NGEF: variants seen among roughly 807,000 people sequenced by gnomAD.
The protein encoded by NGEF is neuronal guanine nucleotide exchange factor.
A neutral mutation model predicts 80.9 loss-of-function variants in NGEF; 31 were observed. The observed-to-expected ratio is 0.38, with a 90% CI of 0.29 to 0.52. NGEF has a LOEUF of 0.52. Among genes scored for constraint, NGEF ranks in the 20% least tolerant of loss-of-function variants. The probability of loss-of-function intolerance (pLI) is 0.84; values close to 1 mark genes in which losing one functional copy is unlikely to be tolerated. For synonymous variants in NGEF, 371 were observed against 370.2 expected, an observed-to-expected ratio of 1.00 and a Z score of -0.03; for missense variants, 709 against 926.2, an observed-to-expected ratio of 0.77 and a Z score of 3.04.
At chr2:232,994,639 A>G (rs1694740964) in intron 1 of NGEF, among the ~76,000 whole-genome samples, 1 of 152,094 alleles carries the variant, frequency 6.6e-6, no homozygotes, top group African/African-American at 2.4e-5. Flanking sequence ...ATGGCTTGTC[A>G]TCCCCGTTCG....
chr2:232,898,787 G>A (rs1183488085), intron 5 of NGEF, among the ~76,000 whole-genome samples: 2 of 152,178 alleles, frequency 1.3e-5, no homozygotes, highest in African/African-American at 4.8e-5. Flanking sequence ...TGGCACTTTC[G>A]TCCCAGGGTA....
At chr2:232,893,129 G>A in intron 6 of NGEF, 79 bp from the exon 7 acceptor site, 12 of 1,456,426 alleles carry the variant, frequency 8.2e-6, no homozygotes, top group South Asian at 2.5e-5. Flanking sequence ...CAGCATGCGA[G>A]CCTGACTTGG....
chr2:232,966,631 C>G (rs539476783), intron 3 of NGEF, among the ~76,000 whole-genome samples: 1 of 151,958 alleles, frequency 6.6e-6, no homozygotes, highest in African/African-American at 2.4e-5. Context: ...CCAAACAAAA[C>G]CCAGTAGCCA....
In NGEF at chr2:233,013,110, T is replaced by C. The variant is rs1369355365; in HGVS notation, c.-117A>G. On this transcript the variant is annotated 5_prime_UTR_variant, in exon 1 of 15. Transcript: ENST00000264051. ...ATAGGAGTTGGGCTTCCTCAGAGAG[T>C]GTTCCTCCCTCGTCCCCTGTCCTGT... 1 of 470,886 alleles carries C rather than the reference T, an allele frequency of 2.1e-6. No individual in the cohort carries two copies. The highest frequency in any genetic ancestry group is 2.0e-5 in the African/African-American group (1 of 49,972). The allele number at this position is 470,886 out of a possible 1,614,324, so 29.2% of individuals were successfully genotyped here.
chr2:232,967,770 G>A (rs1056002193), intron 3 of NGEF, among the ~76,000 whole-genome samples: 10 of 151,728 alleles, frequency 6.6e-5, no homozygotes, highest in Non-Finnish European at 1.2e-4. Flanking sequence ...CCTCAGGAAG[G>A]AAGTGTTGCC....
In NGEF at chr2:232,978,482, T is replaced by A. The variant is rs566290024; in HGVS notation, c.-74-3518A>T. Among the ~76,000 whole-genome samples, 3 of 152,236 alleles carry A rather than the reference T, an allele frequency of 2.0e-5. No homozygotes were observed. In the East Asian group the frequency reaches 5.8e-4, roughly 29 times the overall value. The stretch of plus-strand genomic sequence containing the variant: ...GTGAGCCGAGATTGCGCCACTGCAT[T>A]CCAGCCTGGGCGACAGAGCGAGACT... On this transcript the variant is annotated intron_variant, in intron 1 of 14. Coordinates refer to ENST00000264051, the MANE Select transcript of NGEF (RefSeq NM_019850.3).
chr2:232,936,300 G>A (rs1011505133), intron 3 of NGEF, among the ~76,000 whole-genome samples: 6 of 152,200 alleles, frequency 3.9e-5, no homozygotes, highest in Admixed American at 1.3e-4. Context: ...ATTGTATCAC[G>A]TTATGGAAAT....
intron 5 of NGEF, among the ~76,000 whole-genome samples, chr2:232,904,902 C>T (rs1370174184): frequency 6.6e-6 from 1 of 152,222 alleles, no homozygotes. Context: ...GTGATCGCAC[C>T]ACTGCACTCC....
chr2:232,989,302 G>T (rs1408286173), intron 1 of NGEF, among the ~76,000 whole-genome samples: 1 of 152,092 alleles, frequency 6.6e-6, no homozygotes, highest in African/African-American at 2.4e-5. Flanking sequence ...ACAAAAATTA[G>T]CCAGGCATGG....
chr2:233,012,938 T>C (rs1225716895), intron 1 of NGEF, 130 bp downstream of exon 1: 1 of 469,818 alleles, frequency 2.1e-6, no homozygotes. Flanking sequence ...GCTGTTTCTC[T>C]TGGGGGCTCC....
chr2:232,970,672 G>A (rs1358393439), intron 2 of NGEF, among the ~76,000 whole-genome samples: 1 of 152,082 alleles, frequency 6.6e-6, no homozygotes, highest in Non-Finnish European at 1.5e-5. Flanking sequence ...AAAATTAGCC[G>A]GGTGTGGTAG....
intron 1 of NGEF, among the ~76,000 whole-genome samples, chr2:232,988,607 C>T (rs545010978): frequency 7.9e-5 from 12 of 152,320 alleles, no homozygotes; most frequent in Middle Eastern, 3.4e-3. Flanking sequence ...ACCCAGCCAT[C>T]TCCGCTGCAG....
chr2:232,959,007 C>T (rs759740582), intron 3 of NGEF, among the ~76,000 whole-genome samples: 3 of 152,082 alleles, frequency 2.0e-5, no homozygotes, highest in Non-Finnish European at 2.9e-5. Flanking sequence ...ACTACAATAC[C>T]ATTAGCATGC....
In NGEF at chr2:232,970,315, A is replaced by G; in HGVS notation, c.282T>C (p.Asn94=). ...NASCLADSQD[N]GKSVNEPLTL... ...TCAGGGGCTCATTTACAGATTTTCC[A>G]TTGTCCTGTGAATCTGTGACAATTC... Residue 94 remains asparagine, a synonymous_variant, in exon 3 of 15, where the codon AAT becomes AAC. Transcript: ENST00000264051. 1 of 1,596,954 alleles carries G rather than the reference A, an allele frequency of 6.3e-7. No homozygotes were observed. Among genetic ancestry groups the G allele is most frequent in the Non-Finnish European group, 8.5e-7 (1 of 1,172,592 alleles).
rs775608090 is a variant in NGEF, at chr2:232,884,019, C to G, written c.1563G>C (p.Leu521=). 6.2e-7 allele frequency: 1 copy of G among 1,612,322 alleles called. No homozygotes were observed. The highest frequency in any genetic ancestry group is 2.2e-5 in the East Asian group (1 of 44,782). The change falls in exon 11 of 15, where the codon CTG becomes CTC. Residue 521 remains leucine, a synonymous_variant. Coordinates refer to ENST00000264051, the MANE Select transcript of NGEF (RefSeq NM_019850.3). ...GGCAGATCACCAGCAGGTCGTTGAA[C>G]AGGAAGAGGTAAATTTCGTGGAAGA... The part of the protein sequence containing the change: ...KKLFHEIYLF[L]FNDLLVICRQ...
intron 1 of NGEF, among the ~76,000 whole-genome samples, chr2:232,980,730 C>T (rs950456751): frequency 6.6e-6 from 1 of 152,122 alleles, no homozygotes; most frequent in Non-Finnish European, 1.5e-5. Context: ...AACTCCTGAC[C>T]TCAAGTGATC....
chr2:232,952,988 AAAAAAAAAAAC>A (rs1693709136), intron 3 of NGEF, among the ~76,000 whole-genome samples: 4 of 144,922 alleles, frequency 2.8e-5, no homozygotes, highest in African/African-American at 1.0e-4. Flanking sequence ...AAAAAAAAAA[AAAAAAAAAAAC>A]AACAAAAAAG....
At chr2:232,956,026 C>T (rs971016741) in intron 3 of NGEF, among the ~76,000 whole-genome samples, 7 of 152,212 alleles carry the variant, frequency 4.6e-5, no homozygotes, top group Non-Finnish European at 7.3e-5. Context: ...CTCCCCCAAA[C>T]GTGACTGCAG....
intron 5 of NGEF, among the ~76,000 whole-genome samples, chr2:232,917,036 C>T (rs1028632924): frequency 2.6e-5 from 4 of 152,366 alleles, no homozygotes; most frequent in African/African-American, 9.6e-5. Context: ...CTGTCACTTG[C>T]ATTCCTCGAA....
Sources: allele counts gnomAD v4.1 joint callset (sites outside exome capture counted in the v4.1 genomes callset), GRCh38; gene constraint gnomAD v4.1.1; transcripts MANE v1.5; gene names NCBI Gene and HGNC (gene_info 2026-07-23, HGNC 2026-07-21).